LIN7A: variants seen among roughly 807,000 people sequenced by gnomAD.
LIN7A encodes lin-7 cell polarity scaffold A, also known as protein lin-7 homolog A.
Under a neutral mutation model 29.8 loss-of-function variants are expected in LIN7A, and 25 were observed. The observed-to-expected ratio is 0.84, with a 90% CI of 0.61 to 1.17. LIN7A has a LOEUF of 1.17. Among genes scored for constraint, LIN7A ranks in the 50% most tolerant of loss-of-function variants. The pLI, the probability that LIN7A is intolerant of heterozygous loss-of-function variation, is 0.00. For synonymous variants in LIN7A, 118 were observed against 107.5 expected, an observed-to-expected ratio of 1.10 and a Z score of -0.60; for missense variants, 239 against 287.0, an observed-to-expected ratio of 0.83 and a Z score of 1.21.
chr12:80,801,838 T>A (rs960303565), intron 5 of LIN7A, among the ~76,000 whole-genome samples: 2 of 151,946 alleles, frequency 1.3e-5, no homozygotes, highest in Admixed American at 6.6e-5. Context: ...CTTTCCCCGA[T>A]CACCCTTCTC....
chr12:80,878,482 G>A (rs987044886), intron 2 of LIN7A, among the ~76,000 whole-genome samples: 9 of 152,156 alleles, frequency 5.9e-5, no homozygotes, highest in East Asian at 1.9e-4. Context: ...CTGACTTCAA[G>A]AATGAAGCCA....
At chr12:80,825,739 AT>A (rs60715514) in intron 4 of LIN7A, among the ~76,000 whole-genome samples, 40 of 149,504 alleles carry the variant, frequency 2.7e-4, no homozygotes, top group Non-Finnish European at 3.1e-4. Flanking sequence ...ATCAGAATAG[AT>A]TTTTTTTTTT....
At chr12:80,820,527 G>T (rs1871747584) in intron 4 of LIN7A, among the ~76,000 whole-genome samples, 1 of 152,066 alleles carries the variant, frequency 6.6e-6, no homozygotes, top group Non-Finnish European at 1.5e-5. Flanking sequence ...AACAAATGCA[G>T]CTACTACATC....
At chr12:80,800,566 T>A (rs1870675172) in intron 5 of LIN7A, among the ~76,000 whole-genome samples, 1 of 133,524 alleles carries the variant, frequency 7.5e-6, no homozygotes. Context: ...ACAATTTGAA[T>A]AGGTCTATAT....
intron 2 of LIN7A, chr12:80,861,295 C>T (rs1181006109): frequency 6.6e-6 from 1 of 151,568 alleles, no homozygotes; most frequent in Non-Finnish European, 1.5e-5. Context: ...AGTCGTCCTT[C>T]CCTGCAGGGT....
intron 2 of LIN7A, among the ~76,000 whole-genome samples, chr12:80,885,996 T>C (rs1875305668): frequency 6.6e-6 from 1 of 152,124 alleles, no homozygotes; most frequent in Admixed American, 6.5e-5. Context: ...TTTACAATCT[T>C]GTTGGCAAAA....
intron 1 of LIN7A, among the ~76,000 whole-genome samples, chr12:80,927,866 C>T (rs745440673): frequency 3.3e-5 from 5 of 152,120 alleles, no homozygotes; most frequent in Non-Finnish European, 7.3e-5. Context: ...CATCCCCCCA[C>T]CTCCCCACAG....
At chr12:80,900,946 A>C (rs1876182159) in intron 1 of LIN7A, among the ~76,000 whole-genome samples, 1 of 152,190 alleles carries the variant, frequency 6.6e-6, no homozygotes, top group African/African-American at 2.4e-5. Flanking sequence ...ACCGAAGGGT[A>C]TGACTTGAAA....
intron 2 of LIN7A, among the ~76,000 whole-genome samples, chr12:80,856,663 A>T (rs1565903638): frequency 6.6e-6 from 1 of 152,204 alleles, no homozygotes; most frequent in African/African-American, 2.4e-5. Flanking sequence ...CTTTGGCTAC[A>T]AAGTGCTTCC....
intron 5 of LIN7A, among the ~76,000 whole-genome samples, chr12:80,802,121 C>T (rs1468543875): frequency 2.0e-5 from 3 of 152,126 alleles, no homozygotes; most frequent in Non-Finnish European, 2.9e-5. Flanking sequence ...TCTCAAACTC[C>T]TGACCTCGTG....
At chr12:80,873,002 T>C (rs1291693144) in intron 2 of LIN7A, among the ~76,000 whole-genome samples, 1 of 152,210 alleles carries the variant, frequency 6.6e-6, no homozygotes, top group Non-Finnish European at 1.5e-5. Flanking sequence ...ATTGTCTCCA[T>C]ATGGGCTTAT....
rs775084500 is a variant in LIN7A at position 80,934,197 on chromosome 12, A to G, written c.82+3444T>C. Among the ~76,000 whole-genome samples, 15 of 152,266 alleles carry G rather than the reference A, an allele frequency of 9.9e-5. 1 individual carries two copies. The highest frequency in any genetic ancestry group is 7.4e-5 in the Non-Finnish European group (5 of 68,014). On this transcript the variant is annotated intron_variant, in intron 1 of 5. Coordinates refer to ENST00000552864, the MANE Select transcript of LIN7A (RefSeq NM_004664.4). The stretch of plus-strand genomic sequence containing the variant: ...GTGTGTATTTTAATCTCCCTCTCCT[A>G]GTAGGTTCTAATTACCACAAAAAGT...
chr12:80,927,700 T>C (rs1164434214), intron 1 of LIN7A, among the ~76,000 whole-genome samples: 1 of 152,204 alleles, frequency 6.6e-6, no homozygotes, highest in Non-Finnish European at 1.5e-5. Context: ...ACTGTGAATT[T>C]GTTTTTCATC....
At chr12:80,912,587 C>T (rs1876811468) in intron 1 of LIN7A, among the ~76,000 whole-genome samples, 1 of 151,754 alleles carries the variant, frequency 6.6e-6, no homozygotes, top group Admixed American at 6.6e-5. Flanking sequence ...TGATGGCTCA[C>T]ACCTGTAATC....
intron 5 of LIN7A, among the ~76,000 whole-genome samples, chr12:80,807,083 T>TGTTTGTTTGTTTG (rs1871067479): frequency 7.3e-6 from 1 of 137,204 alleles, no homozygotes; most frequent in African/African-American, 2.7e-5. Flanking sequence ...TTTTTTTTTT[T>TGTTTGTTTGTTTG]TTTTTTTTGA....
intron 1 of LIN7A, among the ~76,000 whole-genome samples, chr12:80,903,189 T>A (rs963524858): frequency 6.6e-6 from 1 of 151,922 alleles, no homozygotes; most frequent in Non-Finnish European, 1.5e-5. Flanking sequence ...CTCTATTTTA[T>A]AATAATAAAA....
chr12:80,874,110 G>A (rs1874565127), intron 2 of LIN7A, among the ~76,000 whole-genome samples: 2 of 152,094 alleles, frequency 1.3e-5, no homozygotes, highest in Non-Finnish European at 2.9e-5. Flanking sequence ...AAGCCTAGGA[G>A]TCACTTATTA....
At chr12:80,821,750 G>A (rs147161487) in intron 4 of LIN7A, among the ~76,000 whole-genome samples, 2,268 of 152,288 alleles carry the variant, frequency 0.015, 28 homozygotes, top group Non-Finnish European at 0.024. Flanking sequence ...CACCCTCTTG[G>A]GCTCAGCTGC....
intron 1 of LIN7A, among the ~76,000 whole-genome samples, chr12:80,895,326 G>A (rs182755233): frequency 6.6e-6 from 1 of 152,158 alleles, no homozygotes; most frequent in Non-Finnish European, 1.5e-5. Flanking sequence ...AATTTAAAAG[G>A]GATGAGCTTA....
Sources: gnomAD v4.1 joint callset for allele counts (sites outside exome capture counted in the v4.1 genomes callset) on GRCh38, gnomAD v4.1.1 for gene constraint, MANE v1.5 for transcripts, NCBI Gene and HGNC (gene_info 2026-07-23, HGNC 2026-07-21) for gene names.